Variants in WARS1 observed in about 807,000 individuals in gnomAD.
The protein encoded by WARS1 is tryptophanyl-tRNA synthetase 1, also known as tryptophan--tRNA ligase, cytoplasmic.
A neutral mutation model predicts 47.8 loss-of-function variants in WARS1; 17 were observed. The observed-to-expected ratio is 0.36, with a 90% CI of 0.24 to 0.53. The LOEUF is 0.53. Ranked by LOEUF, WARS1 falls within the 20% of genes least tolerant of loss-of-function variation. The pLI, the probability that WARS1 is intolerant of heterozygous loss-of-function variation, is 0.91. For synonymous variants in WARS1, 208 were observed against 228.1 expected, an observed-to-expected ratio of 0.91 and a Z score of 0.79; for missense variants, 434 against 608.0, an observed-to-expected ratio of 0.71 and a Z score of 3.01.
chr14:100,339,507 C>T (rs1010960790), intron 9 of WARS1, among the ~76,000 whole-genome samples: 8 of 136,454 alleles, frequency 5.9e-5, no homozygotes, highest in Non-Finnish European at 1.2e-4. Context: ...AGGAGAATGG[C>T]GTGAACCTGG....
intron 2 of WARS1, 28 bp from the exon 3 acceptor site, chr14:100,361,949 A>G (rs781062136): frequency 1.2e-6 from 2 of 1,610,000 alleles, no homozygotes; most frequent in South Asian, 1.1e-5. Flanking sequence ...AGGGATGGCT[A>G]AAAGTATTAC....
At chr14:100,353,622 G>A in intron 6 of WARS1, 65 bp downstream of exon 6, 2 of 1,554,882 alleles carry the variant, frequency 1.3e-6, no homozygotes, top group Non-Finnish European at 1.8e-6. Flanking sequence ...GAATTTAGCT[G>A]TGGTCATGAC....
At chr14:100,341,421 G>A (rs926049468) in intron 9 of WARS1, among the ~76,000 whole-genome samples, 1 of 152,154 alleles carries the variant, frequency 6.6e-6, no homozygotes, top group Non-Finnish European at 1.5e-5. Context: ...GATATGAAAG[G>A]CTTCCCCATT....
Position 100,334,814 on chromosome 14 carries a change from C to T in WARS1, c.*61G>A, listed in dbSNP as rs1893594738. 1.9e-6 allele frequency: 3 copies of T among 1,581,610 alleles called. No homozygotes were observed. The highest frequency in any genetic ancestry group is 3.4e-5 in the Admixed American group (2 of 58,514). ...TACAGGTGGCGGTGCTTTGACTGGG[C>T]TGGGATTATTGATACATTACTGATA... On this transcript the variant is annotated 3_prime_UTR_variant, in exon 11 of 11. Transcript: ENST00000392882.
In WARS1 at chr14:100,350,436, A is replaced by G. The variant is rs187848547; in HGVS notation, c.725+3251T>C. ...AAAAAAGGAAGTTCTTATTTAGCGA[A>G]GGTGGAGGCTGGTCAGGAGCTGCAA... On this transcript the variant is annotated intron_variant, in intron 6 of 10. Transcript: ENST00000392882. Among the ~76,000 whole-genome samples the G allele has an allele frequency of 4.4e-3, 651 of 147,640 alleles. 3 individuals are homozygous for G. The highest frequency in any genetic ancestry group is 7.5e-3 in the Non-Finnish European group (504 of 67,086).
chr14:100,340,785 C>A (rs1894106187), intron 9 of WARS1, among the ~76,000 whole-genome samples: 1 of 152,202 alleles, frequency 6.6e-6, no homozygotes, highest in Non-Finnish European at 1.5e-5. Context: ...AAGAAGCCTG[C>A]AGGCCCAGTG....
chr14:100,356,320 C>T (rs1340901198), intron 4 of WARS1, among the ~76,000 whole-genome samples: 2 of 146,172 alleles, frequency 1.4e-5, no homozygotes, highest in African/African-American at 2.5e-5. Flanking sequence ...CCATGCCATG[C>T]TAAGATAAAA....
rs896463227 is a variant in WARS1, at chr14:100,373,230, A to G, written c.-74+2053T>C. ...TTTTCCTCTAAGGTTTATCCTTAGAATGTCTTTACTTGTTCCAGTTGAAGA... is the reference window on the plus strand; with the variant it reads ...TTTTCCTCTAAGGTTTATCCTTAGAGTGTCTTTACTTGTTCCAGTTGAAGA... On this transcript the variant is annotated intron_variant, in intron 1 of 10. Coordinates refer to ENST00000392882, the MANE Select transcript of WARS1 (RefSeq NM_004184.4). This position sits in a 1 kb window ranked among gnomAD's most constrained non-coding sequence, Gnocchi z 4.4. Among the ~76,000 whole-genome samples, 2 of 152,300 alleles carry G rather than the reference A, an allele frequency of 1.3e-5. No individual in the cohort carries two copies. The highest frequency in any genetic ancestry group is 4.2e-4 in the South Asian group (2 of 4,816).
At chr14:100,372,865 GCTGC>G (rs1000471700) in intron 1 of WARS1, among the ~76,000 whole-genome samples, 5 of 152,056 alleles carry the variant, frequency 3.3e-5, no homozygotes, top group African/African-American at 7.2e-5. Context: ...GCTGCTCCCT[GCTGC>G]CTGCCTGCCT....
chr14:100,337,726 C>T lies in WARS1; in HGVS notation c.1114-524G>A, dbSNP rs536999745. 3.9e-4 allele frequency among the ~76,000 whole-genome samples: 58 copies of T among 149,294 alleles called. No individual in the cohort carries two copies. The South Asian group carries it at 0.01, about 26-fold the overall frequency. On this transcript the variant is annotated intron_variant, in intron 9 of 10. Coordinates refer to ENST00000392882, the MANE Select transcript of WARS1 (RefSeq NM_004184.4). ...AAAAAGGAATTAGCTGGTGTGGTGACGTGCGCCTGTAGTCCTAGCGACTCG... is the reference window on the plus strand; with the variant it reads ...AAAAAGGAATTAGCTGGTGTGGTGATGTGCGCCTGTAGTCCTAGCGACTCG...
chr14:100,342,679 C>A, intron 8 of WARS1, 108 bp from the exon 9 acceptor site: 2 of 1,024,036 alleles, frequency 2.0e-6, no homozygotes, highest in Non-Finnish European at 1.4e-6. Flanking sequence ...TGCTTCCAAC[C>A]AAAGAAATTC....
At position 100,334,925 on chromosome 14, in the gene WARS1, T is replaced by C. The variant is rs766502615; in HGVS notation, c.1366A>G (p.Ile456Val). 2 of 1,614,208 alleles carry C rather than the reference T, an allele frequency of 1.2e-6. No individual in the cohort carries two copies. Among genetic ancestry groups the C allele is most frequent in the Admixed American group, 3.3e-5 (2 of 60,022 alleles). Residue 456 changes from isoleucine (I) to valine (V), a missense_variant, in exon 11 of 11, where the codon ATA (isoleucine) becomes GTA (valine). Coordinates refer to ENST00000392882, the MANE Select transcript of WARS1 (RefSeq NM_004184.4). ...CGGGGAGTCATGAACTCTTTCACTA[T>C]CTCATCCGTGACCTCCTTGCGCCGG... ...QARRKEVTDE[I>V]VKEFMTPRKL...
At chr14:100,341,476 G>C (rs758641356) in intron 9 of WARS1, among the ~76,000 whole-genome samples, 2 of 152,228 alleles carry the variant, frequency 1.3e-5, no homozygotes, top group Non-Finnish European at 2.9e-5. Context: ...GTCAGGGGCA[G>C]TGACTCAGAG....
chr14:100,349,814 C>T (rs1202960485), intron 6 of WARS1, among the ~76,000 whole-genome samples: 1 of 152,246 alleles, frequency 6.6e-6, no homozygotes, highest in Non-Finnish European at 1.5e-5. Context: ...ACCTCCCTCC[C>T]ACTCAAAGAG....
intron 3 of WARS1, among the ~76,000 whole-genome samples, chr14:100,361,225 G>A (rs1266407123): frequency 6.6e-6 from 1 of 152,186 alleles, no homozygotes; most frequent in Non-Finnish European, 1.5e-5. Context: ...AGACTTCAAT[G>A]GAATGGCAAC....
At chr14:100,349,827 C>T (rs1042197730) in intron 6 of WARS1, among the ~76,000 whole-genome samples, 3 of 152,206 alleles carry the variant, frequency 2.0e-5, no homozygotes, top group Non-Finnish European at 2.9e-5. Context: ...TCAAAGAGGG[C>T]GATGGCTGGC....
rs377637046 is a variant in WARS1 at position 100,335,083 on chromosome 14, G to C, written c.1255-47C>G. On this transcript the variant is annotated intron_variant, in intron 10 of 10. Coordinates refer to ENST00000392882, the MANE Select transcript of WARS1 (RefSeq NM_004184.4). ...CGTGAGAGATGGCTCCACATGTCCT[G>C]AGTGGCTCCTTCCTGCCTCGGGCAC... 6.3e-6 allele frequency: 10 copies of C among 1,592,658 alleles called. No homozygotes were observed. In the African/African-American group the frequency reaches 1.2e-4, roughly 19 times the overall value.
intron 1 of WARS1, among the ~76,000 whole-genome samples, 159 bp downstream of exon 1, chr14:100,375,124 T>C (rs188988186): frequency 1.3e-5 from 2 of 152,304 alleles, no homozygotes; most frequent in Admixed American, 1.3e-4. Context: ...CTGTTCCCTA[T>C]GGGAGCAGTG....
At chr14:100,348,028 GTA>G (rs1180161714) in intron 6 of WARS1, among the ~76,000 whole-genome samples, 5 of 152,158 alleles carry the variant, frequency 3.3e-5, no homozygotes, top group Non-Finnish European at 7.3e-5. Context: ...TAGATGCTGC[GTA>G]TGTGTCAATA....
Sources: gnomAD v4.1 joint callset for allele counts (sites outside exome capture counted in the v4.1 genomes callset) on GRCh38, gnomAD v4.1.1 for gene constraint, Gnocchi (gnomAD v3.1) non-coding constraint, MANE v1.5 for transcripts, NCBI Gene and HGNC (gene_info 2026-07-23, HGNC 2026-07-21) for gene names.